WNT6: variants seen among roughly 807,000 people sequenced by gnomAD.
WNT6 encodes the protein Wnt family member 6, also known as protein Wnt-6.
Under a neutral mutation model 33.1 loss-of-function variants are expected in WNT6, and 27 were observed. The ratio of observed to expected loss-of-function variants is 0.82; its 90% confidence interval spans 0.60 to 1.12. The LOEUF (loss-of-function observed/expected upper bound fraction) is 1.12, where lower values mean the gene tolerates loss of function less well. Among genes scored for constraint, WNT6 ranks in the 50% most tolerant of loss-of-function variants. The pLI is 0.00. For missense variants in WNT6, 494 were observed against 535.3 expected (o/e 0.92, Z 0.76); for synonymous variants, 249 against 242.8 (o/e 1.03, Z -0.24).
At chr2:218,861,858 C>T (rs2106001562) in intron 1 of WNT6, among the ~76,000 whole-genome samples, 1 of 152,312 alleles carries the variant, frequency 6.6e-6, no homozygotes, top group East Asian at 1.9e-4. Flanking sequence ...GGCAACTATG[C>T]TGGTTACTGC....
At chr2:218,864,762 T>C (rs554340550) in intron 1 of WNT6, among the ~76,000 whole-genome samples, 2 of 152,180 alleles carry the variant, frequency 1.3e-5, no homozygotes, top group Admixed American at 6.5e-5. Flanking sequence ...CTGGCTTCTT[T>C]GTGGCACTCA....
Position 218,871,562 on chromosome 2 carries a change from G to C in WNT6, c.379G>C (p.Gly127Arg). 6.3e-7 allele frequency: 1 copy of C among 1,578,964 alleles called. No homozygotes were observed. Among genetic ancestry groups the C allele is most frequent in the Non-Finnish European group, 8.5e-7 (1 of 1,171,306 alleles). The change falls in exon 3 of 4, where the codon GGC (glycine) becomes CGC (arginine). Residue 127 changes from glycine to arginine, a missense_variant. Transcript: ENST00000233948. This position sits in a 1 kb window ranked among gnomAD's most constrained non-coding sequence, Gnocchi z 6.4. Reference sequence around the variant, plus strand: ...CGCCGTCACGCAGGCCTGTTCTATGGGCGAGCTGCTGCAGTGCGGCTGCCA... The same window carrying C: ...CGCCGTCACGCAGGCCTGTTCTATGCGCGAGCTGCTGCAGTGCGGCTGCCA... Reference protein sequence around the residue: ...SHAVTQACSMGELLQCGCQAP... With the variant: ...SHAVTQACSMRELLQCGCQAP...
At chr2:218,872,036 A>G (rs1402769287) in intron 3 of WNT6, among the ~76,000 whole-genome samples, 1 of 151,870 alleles carries the variant, frequency 6.6e-6, no homozygotes, top group African/African-American at 2.4e-5. Context: ...TGGGGGTCTG[A>G]GAAGGCCAGA....
chr2:218,860,289 G>A (rs749312893), intron 1 of WNT6, among the ~76,000 whole-genome samples, 172 bp downstream of exon 1: 17 of 152,236 alleles, frequency 1.1e-4, no homozygotes, highest in Middle Eastern at 3.4e-3. Flanking sequence ...TAACCCTCGG[G>A]AACATTCTAT....
At chr2:218,860,701 G>C (rs1944300394) in intron 1 of WNT6, among the ~76,000 whole-genome samples, 1 of 152,202 alleles carries the variant, frequency 6.6e-6, no homozygotes, top group Non-Finnish European at 1.5e-5. Context: ...CAGGCGCCCG[G>C]CCCTTCCAGA....
At chr2:218,870,326 CCTT>C (rs1944389846) in intron 1 of WNT6, among the ~76,000 whole-genome samples, 1 of 152,184 alleles carries the variant, frequency 6.6e-6, no homozygotes, top group Admixed American at 6.5e-5. Context: ...GCCCCCAGCT[CCTT>C]CTTCCTGCTC....
chr2:218,868,673 A>C (rs1944373055), intron 1 of WNT6, among the ~76,000 whole-genome samples: 1 of 152,216 alleles, frequency 6.6e-6, no homozygotes, highest in African/African-American at 2.4e-5. Context: ...GGCTCAAGTG[A>C]GAACTTTCTC....
At chr2:218,866,077 C>G (rs1944352152) in intron 1 of WNT6, among the ~76,000 whole-genome samples, 2 of 50 alleles carry the variant, frequency 0.04, no homozygotes, top group African/African-American at 0.1. Context: ...CGGGCGGGCA[C>G]AGGCCCGGCC....
At position 218,862,196 on chromosome 2, in the gene WNT6, G is replaced by A. The variant is rs75257311; in HGVS notation, c.80+2079G>A. 7.1e-3 allele frequency among the ~76,000 whole-genome samples: 1,081 copies of A among 152,226 alleles called. 43 individuals carry two copies. In the East Asian group the frequency reaches 0.076, roughly 11 times the overall value. On this transcript the variant is annotated intron_variant, in intron 1 of 3. Transcript: ENST00000233948. ...GCCTTCATGGCCACAGCTGCAGGGC[G>A]TGCCGGGTGAGGAGTGAGGGGTCCC...
rs1944430472 is a variant in WNT6 at position 218,873,867 on chromosome 2, T to C, written c.*22T>C. The C allele has an allele frequency of 7.0e-7, 1 of 1,432,954 alleles. No individual in the cohort carries two copies. The allele number at this position is 1,432,954 out of a possible 1,614,324, so 88.8% of individuals were successfully genotyped here. On this transcript the variant is annotated 3_prime_UTR_variant, in exon 4 of 4. Coordinates refer to ENST00000233948, the MANE Select transcript of WNT6 (RefSeq NM_006522.4). The surrounding 1 kb of genome is among the most constrained non-coding windows in gnomAD (Gnocchi z 6.1). ...GTGACCCGCCGCCCGGCCGCTAGAC[T>C]GACTTCGCGCAGCGGTGGCTCGCAC...
At position 218,861,975 on chromosome 2, in the gene WNT6, G is replaced by T. The variant is rs182658871; in HGVS notation, c.80+1858G>T. ...AGGAGTGTGTTGGTGCTGGAGATGG[G>T]CTTGCAGAGTGTCATTGGACTGGCT... On this transcript the variant is annotated intron_variant, in intron 1 of 3. Coordinates refer to ENST00000233948, the MANE Select transcript of WNT6 (RefSeq NM_006522.4). 2.3e-4 allele frequency among the ~76,000 whole-genome samples: 35 copies of T among 152,322 alleles called. 1 individual carries two copies. Among genetic ancestry groups the T allele is most frequent in the African/African-American group, 8.2e-4 (34 of 41,562 alleles).
intron 1 of WNT6, among the ~76,000 whole-genome samples, chr2:218,862,193 G>A (rs1225477171): frequency 2.0e-5 from 3 of 152,110 alleles, no homozygotes; most frequent in Non-Finnish European, 4.4e-5. Flanking sequence ...ACAGCTGCAG[G>A]GCGTGCCGGG....
In WNT6 at chr2:218,860,133, C is replaced by A; in HGVS notation, c.80+16C>A. On this transcript the variant is annotated intron_variant, in intron 1 of 3. Transcript: ENST00000233948. The stretch of plus-strand genomic sequence containing the variant: ...GACTGTGGTGGTGAGTCCGGCTGTC[C>A]TGGCGCGGCTCTGGACCCTGGAGGG... 1 of 1,515,170 alleles carries A rather than the reference C, an allele frequency of 6.6e-7. No individual in the cohort carries two copies. The allele number at this position is 1,515,170 out of a possible 1,614,324, so 93.9% of individuals were successfully genotyped here.
rs1944360683 is a variant in WNT6 at position 218,867,179 on chromosome 2, A to G, written c.81-3848A>G. Among the ~76,000 whole-genome samples, 2 of 152,142 alleles carry G rather than the reference A, an allele frequency of 1.3e-5. No homozygotes were observed. The highest frequency in any genetic ancestry group is 2.9e-5 in the Non-Finnish European group (2 of 68,012). ...GCCACTGGAAGTCTTCTGATATCTC[A>G]CGTGCCCATTTCCCTCCAGCACTGT... On this transcript the variant is annotated intron_variant, in intron 1 of 3. Coordinates refer to ENST00000233948, the MANE Select transcript of WNT6 (RefSeq NM_006522.4). The surrounding 1 kb of genome is among the most constrained non-coding windows in gnomAD (Gnocchi z 4.9).
chr2:218,873,773 C>G lies in WNT6; in HGVS notation c.1026C>G (p.Cys342Trp). The change falls in exon 4 of 4, where the codon TGC (cysteine) becomes TGG (tryptophan). Residue 342 changes from cysteine (C) to tryptophan (W), a missense_variant. Transcript: ENST00000233948. The surrounding 1 kb of genome is among the most constrained non-coding windows in gnomAD (Gnocchi z 6.1). ...TGCAGCTCGAAGAGAACTGCCTGTGCCGCTTCCACTGGTGCTGCGTAGTAC... is the reference window on the plus strand; with the variant it reads ...TGCAGCTCGAAGAGAACTGCCTGTGGCGCTTCCACTGGTGCTGCGTAGTAC... ...ESVQLEENCL[C>W]RFHWCCVVQC... 1 of 1,586,670 alleles carries G rather than the reference C, an allele frequency of 6.3e-7. No homozygotes were observed. The highest frequency in any genetic ancestry group is 8.5e-7 in the Non-Finnish European group (1 of 1,172,758).
intron 1 of WNT6, among the ~76,000 whole-genome samples, chr2:218,864,960 C>T (rs1186974220): frequency 6.6e-6 from 1 of 152,238 alleles, no homozygotes; most frequent in East Asian, 1.9e-4. Flanking sequence ...TTGGCAGCTT[C>T]CCCTGGAGGG....
chr2:218,866,401 TGGA>T (rs1944355042), intron 1 of WNT6, among the ~76,000 whole-genome samples: 1 of 151,936 alleles, frequency 6.6e-6, no homozygotes, highest in Admixed American at 6.6e-5. Context: ...CAGGGCTGGA[TGGA>T]GGAGGAGGAG....
chr2:218,868,125 A>G (rs959038433), intron 1 of WNT6, among the ~76,000 whole-genome samples: 1 of 151,958 alleles, frequency 6.6e-6, no homozygotes, highest in African/African-American at 2.4e-5. Flanking sequence ...CCTCCCCCTG[A>G]CCAGCTTGTA....
intron 1 of WNT6, among the ~76,000 whole-genome samples, chr2:218,863,582 C>T (rs1944328817): frequency 6.6e-6 from 1 of 152,228 alleles, no homozygotes; most frequent in Admixed American, 6.5e-5. Flanking sequence ...GGCACAGAGG[C>T]TCACTCCTGA....
Sources: allele counts gnomAD v4.1 joint callset (sites outside exome capture counted in the v4.1 genomes callset), GRCh38; gene constraint gnomAD v4.1.1; non-coding constraint Gnocchi (gnomAD v3.1); transcripts MANE v1.5; gene names NCBI Gene and HGNC (gene_info 2026-07-23, HGNC 2026-07-21).